The following MOV10 variants were observed in gnomAD, a reference collection of about 807,000 sequenced individuals.
The protein encoded by MOV10 is RNA helicase MOV-10.
In MOV10, 39 loss-of-function variants were observed where a neutral mutation model predicts 108.4. The ratio of observed to expected loss-of-function variants is 0.36; its 90% confidence interval spans 0.28 to 0.47. The LOEUF (loss-of-function observed/expected upper bound fraction) is 0.47. MOV10 is among the 20% of genes least tolerant of loss of function. The probability of loss-of-function intolerance (pLI) is 1.00; values close to 1 mark genes in which losing one functional copy is unlikely to be tolerated. For synonymous variants in MOV10, 490 were observed against 523.1 expected (o/e 0.94, Z 0.86); for missense variants, 952 against 1,297.6 (o/e 0.73, Z 4.09).
At chr1:112,690,602 C>T (rs565559855) in intron 5 of MOV10, among the ~76,000 whole-genome samples, 4 of 152,162 alleles carry the variant, frequency 2.6e-5, no homozygotes, top group East Asian at 1.9e-4. Context: ...TCAAGTGATC[C>T]GCCAGCCTCG....
At chr1:112,676,741 T>C (rs1672228017) in intron 2 of MOV10, among the ~76,000 whole-genome samples, 1 of 152,188 alleles carries the variant, frequency 6.6e-6, no homozygotes, top group South Asian at 2.1e-4. Context: ...AGCGTGGTCA[T>C]GCATCAAGGG....
Position 112,698,494 on chromosome 1 carries a change from A to G in MOV10, c.2508+16A>G. 6.2e-7 allele frequency: 1 copy of G among 1,611,946 alleles called. No homozygotes were observed. Among genetic ancestry groups the G allele is most frequent in the Non-Finnish European group, 8.5e-7 (1 of 1,179,148 alleles). On this transcript the variant is annotated intron_variant, in intron 16 of 20. Transcript: ENST00000369645. ...CCGGAAACAGGTCAGGTCCTCAGTT[A>G]CCAGCAAGGGTGGGGCCCCTCCCCC... is the stretch of plus-strand genomic sequence containing the variant.
chr1:112,696,580 A>G, intron 13 of MOV10, 46 bp downstream of exon 13: 5 of 1,611,684 alleles, frequency 3.1e-6, no homozygotes, highest in Non-Finnish European at 4.2e-6. Context: ...TGTGTGGGTC[A>G]GAGAGGTTGC....
At chr1:112,689,358 A>G in intron 3 of MOV10, 57 bp from the exon 4 acceptor site, 1 of 1,502,096 alleles carries the variant, frequency 6.7e-7, no homozygotes, top group East Asian at 2.3e-5. Flanking sequence ...TCCCCAGGGT[A>G]ACTCCCCAGT....
At chr1:112,700,090 C>G in intron 19 of MOV10, 108 bp downstream of exon 19, 1 of 1,582,420 alleles carries the variant, frequency 6.3e-7, no homozygotes, top group Non-Finnish European at 8.6e-7. Context: ...TCAGATGTGT[C>G]CATTTTCACA....
chr1:112,684,377 C>T (rs1474635427), intron 2 of MOV10, among the ~76,000 whole-genome samples: 2 of 151,318 alleles, frequency 1.3e-5, no homozygotes, highest in Non-Finnish European at 2.9e-5. Flanking sequence ...AAGCGATTCT[C>T]CTGCCTCAGC....
rs184265662 is a variant in MOV10 at position 112,679,721 on chromosome 1, T to C, written c.137+4672T>C. ...GACTAATAAAAGAAGGAAAGATCCT[T>C]GACTATATTGGTGATCAGAGAAATG... On this transcript the variant is annotated intron_variant, in intron 2 of 20. Transcript: ENST00000369645. Among the ~76,000 whole-genome samples the C allele has an allele frequency of 1.2e-3, 179 of 152,150 alleles. 1 individual carries two copies. Among genetic ancestry groups the C allele is most frequent in the African/African-American group, 4.2e-3 (176 of 41,444 alleles).
rs1041365058 is a variant in MOV10 at position 112,700,504 on chromosome 1, C to T, written c.3009C>T (p.Leu1003=). 8 of 1,613,294 alleles carry T rather than the reference C, an allele frequency of 5.0e-6. No homozygotes were observed. The highest frequency in any genetic ancestry group is 6.8e-6 in the Non-Finnish European group (8 of 1,179,594). Residue 1003 remains leucine, a synonymous_variant, in exon 21 of 21, where the codon CTC becomes CTT. Coordinates refer to ENST00000369645, the MANE Select transcript of MOV10 (RefSeq NM_001321324.2). ...TGGAGCCAGAGTGGAGGAATGAGCT[C>T]TGAAGACACAGCACCCAGCCTTCTC... The part of the protein sequence containing the change: ...LQVEPEWRNE[L]
intron 14 of MOV10, 48 bp downstream of exon 14, chr1:112,696,894 C>T: frequency 6.8e-7 from 1 of 1,461,486 alleles, no homozygotes; most frequent in Non-Finnish European, 9.4e-7. Context: ...GCTTTCACAT[C>T]CTGCATGCAG....
chr1:112,683,798 AT>A (rs1276190684), intron 2 of MOV10, among the ~76,000 whole-genome samples: 3 of 152,010 alleles, frequency 2.0e-5, no homozygotes, highest in African/African-American at 2.4e-5. Context: ...CATTTGTTTA[AT>A]TTTCAATTCT....
Position 112,694,531 on chromosome 1 carries a change from C to T in MOV10, c.1374C>T (p.His458=), listed in dbSNP as rs1490628867. Residue 458 remains histidine, a synonymous_variant, in exon 9 of 21, where the codon CAC becomes CAT. Coordinates refer to ENST00000369645, the MANE Select transcript of MOV10 (RefSeq NM_001321324.2). This position sits in a 1 kb window ranked among gnomAD's most constrained non-coding sequence, Gnocchi z 4.1. ...TFNRQPLRVQ[H]RALELTGRWL... is the part of the protein sequence containing the mutation. The stretch of plus-strand genomic sequence containing the variant: ...ACCGCCAGCCGCTGCGAGTCCAGCA[C>T]CGTGCCCTGGAGCTGACAGGGCGCT... The T allele has an allele frequency of 6.2e-7, 1 of 1,614,048 alleles. No homozygotes were observed.
chr1:112,688,889 C>T (rs755971711), intron 2 of MOV10, 46 bp from the exon 3 acceptor site: 7 of 1,609,776 alleles, frequency 4.3e-6, no homozygotes, highest in Non-Finnish European at 4.2e-6. Flanking sequence ...CTGCCTCCCT[C>T]GAGCCCTGCC....
chr1:112,676,744 A>G (rs1239859736), intron 2 of MOV10, among the ~76,000 whole-genome samples: 1 of 152,214 alleles, frequency 6.6e-6, no homozygotes, highest in Non-Finnish European at 1.5e-5. Flanking sequence ...GTGGTCATGC[A>G]TCAAGGGTGA....
intron 19 of MOV10, 101 bp from the exon 20 acceptor site, chr1:112,700,118 A>ATAAG: frequency 6.3e-7 from 1 of 1,593,054 alleles, no homozygotes; most frequent in Non-Finnish European, 8.6e-7. Context: ...TATTGTATTT[A>ATAAG]TAAGTTAAAT....
At chr1:112,690,236 T>C in intron 5 of MOV10, 138 bp downstream of exon 5, 4 of 1,158,592 alleles carry the variant, frequency 3.5e-6, no homozygotes, top group Non-Finnish European at 4.8e-6. Context: ...CAGAGAATTT[T>C]TCTGTCAAGG....
Position 112,689,962 on chromosome 1 carries a change from A to G in MOV10, c.700A>G (p.Ile234Val), listed in dbSNP as rs770891090. The G allele has an allele frequency of 5.9e-5, 96 of 1,613,962 alleles. No homozygotes were observed. The highest frequency in any genetic ancestry group is 5.8e-4 in the South Asian group (53 of 91,086). The change falls in exon 5 of 21, where the codon ATT (isoleucine) becomes GTT (valine). Residue 234 changes from isoleucine to valine, a missense_variant. Physicochemically the swap from Ile to Val is conservative, Grantham distance 29 (BLOSUM62 3). Transcript: ENST00000369645. ...TTCAGAAGGAGCCGGCACATTCTAC[A>G]TTGCCCGCTTCTTGGCTGCCGTCGC... ...SGSEGAGTFY[I>V]ARFLAAVAHS...
chr1:112,681,214 G>A (rs548818176), intron 2 of MOV10, among the ~76,000 whole-genome samples: 3 of 152,000 alleles, frequency 2.0e-5, no homozygotes, highest in East Asian at 3.9e-4. Context: ...ATGTTTGGCC[G>A]GGCTCAGTGG....
intron 11 of MOV10, among the ~76,000 whole-genome samples, 195 bp downstream of exon 11, chr1:112,695,769 A>G (rs889797204): frequency 2.6e-5 from 4 of 152,142 alleles, no homozygotes; most frequent in African/African-American, 9.7e-5. Flanking sequence ...GGCTGGGTGC[A>G]GTGGCTTACA....
chr1:112,696,900 T>C (rs1674153033), intron 14 of MOV10, 54 bp downstream of exon 14: 1 of 1,412,806 alleles, frequency 7.1e-7, no homozygotes, highest in Admixed American at 2.0e-5. Context: ...ACATCCTGCA[T>C]GCAGACCCCA....
Sources: allele counts gnomAD v4.1 joint callset (sites outside exome capture counted in the v4.1 genomes callset), GRCh38; gene constraint gnomAD v4.1.1; non-coding constraint Gnocchi (gnomAD v3.1); transcripts MANE v1.5; gene names NCBI Gene and HGNC (gene_info 2026-07-23, HGNC 2026-07-21).